Variants in PHACTR3 observed in about 807,000 individuals in gnomAD.
The protein encoded by PHACTR3 is phosphatase and actin regulator 3, also known as protein phosphatase 1, regulatory subunit 123.
Under a neutral mutation model 66.8 loss-of-function variants are expected in PHACTR3, and 16 were observed. The ratio of observed to expected loss-of-function variants is 0.24; its 90% CI spans 0.16 to 0.36. PHACTR3 has a LOEUF of 0.36. Ranked by LOEUF, PHACTR3 falls within the 10% of genes least tolerant of loss-of-function variation. The pLI is 1.00. For missense variants in PHACTR3, 647 were observed against 719.9 expected, an observed-to-expected ratio of 0.90 and a Z score of 1.16; for synonymous variants, 323 against 292.1, an observed-to-expected ratio of 1.11 and a Z score of -1.08.
At chr20:59,686,704 ATGG>A (rs1353295168) in intron 1 of PHACTR3, among the ~76,000 whole-genome samples, 14 of 143,260 alleles carry the variant, frequency 9.8e-5, no homozygotes, top group African/African-American at 3.5e-4. Context: ...GATTGTGATG[ATGG>A]TGGTGATGGT....
At chr20:59,776,712 G>A (rs1191683576) in intron 7 of PHACTR3, among the ~76,000 whole-genome samples, 2 of 149,600 alleles carry the variant, frequency 1.3e-5, no homozygotes, top group South Asian at 2.1e-4. Flanking sequence ...GGAGCCTCAG[G>A]CCTGGCCCGG....
chr20:59,691,325 CT>C (rs1458107060), intron 1 of PHACTR3, among the ~76,000 whole-genome samples: 3 of 152,188 alleles, frequency 2.0e-5, no homozygotes, highest in Non-Finnish European at 4.4e-5. Context: ...TCTAGAATTT[CT>C]TTTGATATAA....
At chr20:59,731,694 G>A (rs372731114) in intron 1 of PHACTR3, among the ~76,000 whole-genome samples, 8 of 152,124 alleles carry the variant, frequency 5.3e-5, no homozygotes, top group African/African-American at 1.9e-4. Flanking sequence ...CTTTAATAAT[G>A]TCTTGATTTT....
At chr20:59,622,981 C>CAAAAAAAAAAAAAAAAAAACA (rs2034301530) in intron 1 of PHACTR3, among the ~76,000 whole-genome samples, 1 of 32,216 alleles carries the variant, frequency 3.1e-5, no homozygotes, top group South Asian at 1.9e-3. Context: ...CAGCTTTAAC[C>CAAAAAAAAAAAAAAAAAAACA]AAAAAAAAAA....
intron 1 of PHACTR3, among the ~76,000 whole-genome samples, chr20:59,693,304 C>G (rs1463215318): frequency 2.0e-5 from 3 of 152,206 alleles, no homozygotes; most frequent in African/African-American, 7.2e-5. Flanking sequence ...CTTCTCTTCT[C>G]TTTGTTCTGG....
chr20:59,827,192 C>T (rs1312249674), intron 8 of PHACTR3, among the ~76,000 whole-genome samples: 1 of 152,052 alleles, frequency 6.6e-6, no homozygotes, highest in Non-Finnish European at 1.5e-5. Flanking sequence ...CGGGAACCAT[C>T]CGGAGAGACT....
Position 59,774,408 on chromosome 20 carries a change from G to A in PHACTR3, c.1092G>A (p.Glu364=), listed in dbSNP as rs1163585756. The A allele has an allele frequency of 2.5e-6, 4 of 1,613,942 alleles. No homozygotes were observed. In the South Asian group the frequency reaches 4.4e-5, roughly 18 times the overall value. ...TAAKESEENK[E]NLIINSELKD... ...CTAAGGAATCTGAGGAGAACAAGGA[G>A]AACCTGATCATAAATTCTGAACTCA... The change falls in exon 7 of 13, where the codon GAG becomes GAA. Residue 364 remains glutamate (E), a synonymous_variant. Coordinates refer to ENST00000371015, the MANE Select transcript of PHACTR3 (RefSeq NM_080672.5).
At chr20:59,582,214 A>G (rs750352345) in intron 1 of PHACTR3, among the ~76,000 whole-genome samples, 5 of 152,226 alleles carry the variant, frequency 3.3e-5, no homozygotes, top group Non-Finnish European at 7.3e-5. Context: ...CTTTTTAAAG[A>G]AATGGCATCA....
At chr20:59,681,175 A>C (rs1009159128) in intron 1 of PHACTR3, among the ~76,000 whole-genome samples, 2 of 152,336 alleles carry the variant, frequency 1.3e-5, no homozygotes, top group African/African-American at 4.8e-5. Flanking sequence ...GATCCACACA[A>C]CTGAAAATAT....
chr20:59,610,830 G>A (rs767510547), intron 1 of PHACTR3, among the ~76,000 whole-genome samples: 2 of 152,236 alleles, frequency 1.3e-5, no homozygotes, highest in Admixed American at 6.5e-5. Context: ...CAGAATGGAT[G>A]TGCCAGAGTG....
chr20:59,645,100 G>C (rs1225852276), intron 1 of PHACTR3, among the ~76,000 whole-genome samples: 1 of 152,030 alleles, frequency 6.6e-6, no homozygotes, highest in Non-Finnish European at 1.5e-5. Context: ...TCCCACTCAT[G>C]AGTGAGAATA....
chr20:59,783,432 GCCCCA>G (rs1361072822), intron 7 of PHACTR3, among the ~76,000 whole-genome samples: 3 of 91,400 alleles, frequency 3.3e-5, no homozygotes, highest in African/African-American at 1.2e-4. Context: ...CCCCCGCCCC[GCCCCA>G]CCCCGGCCCT....
intron 7 of PHACTR3, among the ~76,000 whole-genome samples, chr20:59,778,572 A>G (rs1174856705): frequency 6.6e-6 from 1 of 152,212 alleles, no homozygotes; most frequent in African/African-American, 2.4e-5. Flanking sequence ...CCTGACGCCA[A>G]TACCATTGGC....
At chr20:59,769,121 C>A (rs1331260162) in intron 5 of PHACTR3, among the ~76,000 whole-genome samples, 1 of 152,234 alleles carries the variant, frequency 6.6e-6, no homozygotes, top group African/African-American at 2.4e-5. Flanking sequence ...ATGCTTGGGA[C>A]CACAGCTCAA....
chr20:59,631,537 G>T (rs2034664781), intron 1 of PHACTR3, among the ~76,000 whole-genome samples: 1 of 152,132 alleles, frequency 6.6e-6, no homozygotes, highest in Non-Finnish European at 1.5e-5. Flanking sequence ...AGAGGCAGGA[G>T]GGGTGGGCAG....
At chr20:59,839,597 G>A (rs539127701) in intron 9 of PHACTR3, among the ~76,000 whole-genome samples, 1 of 152,254 alleles carries the variant, frequency 6.6e-6, no homozygotes, top group South Asian at 2.1e-4. Flanking sequence ...CCATTATCTT[G>A]TATCCCAGGG....
intron 1 of PHACTR3, among the ~76,000 whole-genome samples, chr20:59,585,183 A>C (rs1204070815): frequency 6.6e-6 from 1 of 152,154 alleles, no homozygotes; most frequent in Non-Finnish European, 1.5e-5. Context: ...GGCTTTGGAC[A>C]TCACAGTCCC....
chr20:59,653,460 A>G (rs2035523720), intron 1 of PHACTR3, among the ~76,000 whole-genome samples: 1 of 152,200 alleles, frequency 6.6e-6, no homozygotes, highest in Non-Finnish European at 1.5e-5. Context: ...CTAGGATTAC[A>G]GGCGTGAGCC....
intron 1 of PHACTR3, among the ~76,000 whole-genome samples, chr20:59,695,674 C>T (rs1489891691): frequency 1.3e-5 from 2 of 151,948 alleles, no homozygotes; most frequent in Non-Finnish European, 2.9e-5. Context: ...ACCGCTTAGA[C>T]ACTCAATTTC....
Sources: gnomAD v4.1 joint callset for allele counts (sites outside exome capture counted in the v4.1 genomes callset) on GRCh38, gnomAD v4.1.1 for gene constraint, MANE v1.5 for transcripts, NCBI Gene and HGNC (gene_info 2026-07-23, HGNC 2026-07-21) for gene names.